CNIH3: variants seen among roughly 807,000 people sequenced by gnomAD.
The protein encoded by CNIH3 is cornichon family AMPA receptor auxiliary protein 3.
In CNIH3, 14 loss-of-function variants were observed where a neutral mutation model predicts 24.1. That is an observed-to-expected ratio of 0.58 (90% CI 0.38 to 0.91). The LOEUF (loss-of-function observed/expected upper bound fraction) is 0.91, where lower values mean the gene tolerates loss of function less well. CNIH3 is among the 40% of genes least tolerant of loss of function. The pLI is 0.00. For missense variants in CNIH3, 178 were observed against 196.8 expected, an observed-to-expected ratio of 0.90 and a Z score of 0.57; for synonymous variants, 68 against 73.8, an observed-to-expected ratio of 0.92 and a Z score of 0.40.
At chr1:224,727,070 C>T (rs1689068317) in intron 3 of CNIH3, among the ~76,000 whole-genome samples, 1 of 152,158 alleles carries the variant, frequency 6.6e-6, no homozygotes. Context: ...AGCATTATGC[C>T]TGCCTGGTGG....
At chr1:224,436,219 G>A (rs1674658590) in intron 1 of CNIH3, among the ~76,000 whole-genome samples, 1 of 152,200 alleles carries the variant, frequency 6.6e-6, no homozygotes, top group Non-Finnish European at 1.5e-5. Flanking sequence ...ACCTGAGGCC[G>A]ACCTGAGTTC....
intron 3 of CNIH3, among the ~76,000 whole-genome samples, chr1:224,548,065 C>T (rs1572453988): frequency 6.6e-6 from 1 of 151,946 alleles, no homozygotes; most frequent in East Asian, 1.9e-4. Flanking sequence ...AGATACTTCT[C>T]CTAATATCAC....
rs980275290 is a variant in CNIH3, at chr1:224,666,832, G to A, written c.82-14126G>A. On this transcript the variant is annotated intron_variant, in intron 1 of 5. Coordinates refer to ENST00000272133, the MANE Select transcript of CNIH3 (RefSeq NM_152495.2). ...GAAAGGAATTCTAGATCCCCCAACG[G>A]TAGTCTTCTCCACTCTTGGGCTACC... 6.2e-4 allele frequency among the ~76,000 whole-genome samples: 95 copies of A among 152,164 alleles called. 2 individuals carry two copies. Among genetic ancestry groups the A allele is most frequent in the African/African-American group, 2.2e-3 (90 of 41,442 alleles).
chr1:224,673,378 C>G (rs995320056), intron 1 of CNIH3, among the ~76,000 whole-genome samples: 1 of 152,286 alleles, frequency 6.6e-6, no homozygotes. Context: ...GCCTTGACCT[C>G]CCCTCCCCCT....
intron 4 of CNIH3, among the ~76,000 whole-genome samples, chr1:224,733,890 C>T (rs1689460782): frequency 6.6e-6 from 1 of 152,178 alleles, no homozygotes; most frequent in African/African-American, 2.4e-5. Context: ...CTCACCAAGC[C>T]TGACGGCTCC....
chr1:224,695,577 C>G (rs973602808), intron 3 of CNIH3, among the ~76,000 whole-genome samples: 2 of 152,202 alleles, frequency 1.3e-5, no homozygotes, highest in African/African-American at 4.8e-5. Context: ...TTCAAGGTCA[C>G]CCAGCTCATA....
At chr1:224,670,062 A>G (rs997693007) in intron 1 of CNIH3, among the ~76,000 whole-genome samples, 1 of 151,810 alleles carries the variant, frequency 6.6e-6, no homozygotes, top group African/African-American at 2.4e-5. Context: ...TTCTCATTTT[A>G]TGGATAAGGA....
intron 2 of CNIH3, among the ~76,000 whole-genome samples, chr1:224,546,591 G>A (rs1280481370): frequency 6.6e-6 from 1 of 152,162 alleles, no homozygotes; most frequent in Non-Finnish European, 1.5e-5. Context: ...AAAGGGAGGA[G>A]TTCCATTCTG....
chr1:224,674,272 GTTTTTTTTTTTTTTTTTTTTT>G (rs71170028), intron 1 of CNIH3, among the ~76,000 whole-genome samples: 24 of 72,068 alleles, frequency 3.3e-4, no homozygotes, highest in Non-Finnish European at 5.6e-4. Context: ...TTCCAGGAAG[GTTTTTTTTTTTTTTTTTTTTT>G]TTTTTTTTTT....
At chr1:224,678,771 A>G (rs1400509999) in intron 1 of CNIH3, among the ~76,000 whole-genome samples, 2 of 152,044 alleles carry the variant, frequency 1.3e-5, no homozygotes, top group Admixed American at 6.6e-5. Context: ...AAATATATCT[A>G]TGAACTGAAT....
Position 224,703,295 on chromosome 1 carries a change from G to A in CNIH3, c.198+18452G>A, listed in dbSNP as rs1031030695. On this transcript the variant is annotated intron_variant, in intron 3 of 5. Transcript: ENST00000272133. This position sits in a 1 kb window ranked among gnomAD's most constrained non-coding sequence, Gnocchi z 4.2. ...GTGACCACCGGACCAGCTGAGCCAC[G>A]ATGGGCAGCTTGAATGTGTTAATGA... Among the ~76,000 whole-genome samples, 1 of 152,130 alleles carries A rather than the reference G, an allele frequency of 6.6e-6. No homozygotes were observed. The highest frequency in any genetic ancestry group is 2.4e-5 in the African/African-American group (1 of 41,408).
chr1:224,721,069 G>A (rs1472797023), intron 3 of CNIH3, among the ~76,000 whole-genome samples: 1 of 152,086 alleles, frequency 6.6e-6, no homozygotes, highest in African/African-American at 2.4e-5. Context: ...CTTTCCTCCT[G>A]CGTCGAGTGC....
At chr1:224,600,066 A>C (rs933981040) in intron 3 of CNIH3, among the ~76,000 whole-genome samples, 1 of 152,194 alleles carries the variant, frequency 6.6e-6, no homozygotes, top group African/African-American at 2.4e-5. Context: ...ATGTATGCTT[A>C]TATAGGTATT....
intron 2 of CNIH3, among the ~76,000 whole-genome samples, chr1:224,536,241 T>C (rs1199261440): frequency 6.6e-6 from 1 of 150,452 alleles, no homozygotes; most frequent in African/African-American, 2.4e-5. Context: ...TTTGGTGGCA[T>C]CCCCTTTTTT....
At chr1:224,445,716 C>T (rs1286431850) in intron 1 of CNIH3, among the ~76,000 whole-genome samples, 1 of 151,314 alleles carries the variant, frequency 6.6e-6, no homozygotes, top group Non-Finnish European at 1.5e-5. Flanking sequence ...TTTGCTTTTG[C>T]TCTCTTAATG....
chr1:224,573,706 C>T (rs893183458), intron 4 of CNIH3, among the ~76,000 whole-genome samples: 2 of 152,068 alleles, frequency 1.3e-5, no homozygotes, highest in African/African-American at 4.8e-5. Context: ...TCTTGGGGAG[C>T]TTTTTTCCAT....
intron 3 of CNIH3, among the ~76,000 whole-genome samples, chr1:224,692,963 G>A (rs1275950291): frequency 6.6e-6 from 1 of 152,204 alleles, no homozygotes; most frequent in Non-Finnish European, 1.5e-5. Flanking sequence ...CTGTTGATGG[G>A]TCCGAGTGGA....
At chr1:224,461,914 A>T (rs1344189396) in intron 1 of CNIH3, among the ~76,000 whole-genome samples, 2 of 152,166 alleles carry the variant, frequency 1.3e-5, no homozygotes, top group African/African-American at 4.8e-5. Context: ...GTTTTTTGTG[A>T]CTGGCTTCTT....
intron 5 of CNIH3, among the ~76,000 whole-genome samples, chr1:224,738,539 T>G (rs992549881): frequency 6.6e-6 from 1 of 152,218 alleles, no homozygotes; most frequent in African/African-American, 2.4e-5. Context: ...ATTTCTTTCC[T>G]TTGGTTTTAC....
Sources: gnomAD v4.1 joint callset for allele counts (sites outside exome capture counted in the v4.1 genomes callset) on GRCh38, gnomAD v4.1.1 for gene constraint, Gnocchi (gnomAD v3.1) non-coding constraint, MANE v1.5 for transcripts, NCBI Gene and HGNC (gene_info 2026-07-23, HGNC 2026-07-21) for gene names.